The following ABTB3 variants were observed in gnomAD, a reference collection of about 807,000 sequenced individuals.
ABTB3 encodes ankyrin repeat- and BTB/POZ domain-containing protein 3.
the ABTB3 span, among the ~76,000 whole-genome samples, chr12:107,325,814 T>C: frequency 1.3e-5 from 2 of 152,224 alleles, no homozygotes; most frequent in African/African-American, 4.8e-5. Flanking sequence ...AAATGGGTAT[T>C]ATAATAAACA....
the ABTB3 span, among the ~76,000 whole-genome samples, chr12:107,494,892 G>A: frequency 6.6e-6 from 1 of 152,194 alleles, no homozygotes; most frequent in Non-Finnish European, 1.5e-5. Context: ...AGCACGGCAA[G>A]ATGGCATTGC....
the ABTB3 span, among the ~76,000 whole-genome samples, chr12:107,599,230 A>C: frequency 6.6e-6 from 1 of 152,182 alleles, no homozygotes; most frequent in Non-Finnish European, 1.5e-5. Context: ...TTCTCAGTGC[A>C]TGTTCATAAA....
At chr12:107,642,164 T>C in the ABTB3 span, 1 of 1,614,018 alleles carries the variant, frequency 6.2e-7, no homozygotes, top group South Asian at 1.1e-5. Context: ...AAATACTCCA[T>C]CTTTCAGGTG....
chr12:107,485,784 G>C, the ABTB3 span, among the ~76,000 whole-genome samples: 2 of 152,120 alleles, frequency 1.3e-5, no homozygotes, highest in African/African-American at 2.4e-5. Context: ...AATTATTTTA[G>C]TGAAAGAAAA....
chr12:107,481,912 T>TCTCTCTCC, the ABTB3 span, among the ~76,000 whole-genome samples: 1 of 151,128 alleles, frequency 6.6e-6, no homozygotes, highest in African/African-American at 2.4e-5. Context: ...TCTCTCTCTC[T>TCTCTCTCC]CTCTCTCTCT....
chr12:107,635,797 G>A, the ABTB3 span, among the ~76,000 whole-genome samples: 3 of 151,476 alleles, frequency 2.0e-5, no homozygotes, highest in East Asian at 5.9e-4. Context: ...AGGGGCCAGG[G>A]CTGTTCCTCT....
chr12:107,444,392 C>T, the ABTB3 span, among the ~76,000 whole-genome samples: 1 of 152,208 alleles, frequency 6.6e-6, no homozygotes, highest in Non-Finnish European at 1.5e-5. Context: ...GTTAGGGACA[C>T]TGGCCTGTTT....
the ABTB3 span, chr12:107,581,324 G>T: frequency 3.1e-6 from 4 of 1,309,938 alleles, no homozygotes; most frequent in South Asian, 3.9e-5. Context: ...GGGGCGGGCG[G>T]GGGGCGGCAG....
the ABTB3 span, among the ~76,000 whole-genome samples, chr12:107,584,502 G>A: frequency 6.6e-6 from 1 of 152,214 alleles, no homozygotes; most frequent in East Asian, 1.9e-4. Flanking sequence ...AAGTTGCTGG[G>A]TGGGCTTCTA....
chr12:107,604,053 T>C, the ABTB3 span, among the ~76,000 whole-genome samples: 49,393 of 151,602 alleles, frequency 0.33, 9,396 homozygotes, highest in African/African-American at 0.54. Context: ...CCTGTAGTCC[T>C]AGCTACTCGG....
chr12:107,482,809 T>TC, the ABTB3 span, among the ~76,000 whole-genome samples: 1 of 151,504 alleles, frequency 6.6e-6, no homozygotes, highest in Admixed American at 6.6e-5. Context: ...CTCTCTTTTT[T>TC]TTTCTTTCTT....
the ABTB3 span, among the ~76,000 whole-genome samples, chr12:107,362,710 T>C: frequency 8.3e-4 from 126 of 152,202 alleles, no homozygotes; most frequent in East Asian, 0.02. Flanking sequence ...GGAGGATTGC[T>C]TGAGCCGAGG....
At chr12:107,469,994 T>C in the ABTB3 span, among the ~76,000 whole-genome samples, 64 of 64,036 alleles carry the variant, frequency 1.0e-3, 1 homozygote, top group African/African-American at 5.0e-3. Flanking sequence ...CTTTCTTTCT[T>C]TCTTTCTTTC....
the ABTB3 span, among the ~76,000 whole-genome samples, chr12:107,588,834 T>A: frequency 3.3e-5 from 5 of 152,298 alleles, no homozygotes; most frequent in Admixed American, 6.5e-5. Context: ...TTCCATTTTT[T>A]AAATGTTGGT....
chr12:107,331,508 CTTCCGGGGGG>C, the ABTB3 span, among the ~76,000 whole-genome samples: 5 of 152,168 alleles, frequency 3.3e-5, no homozygotes, highest in Non-Finnish European at 7.4e-5. Flanking sequence ...CTTCCTTGGG[CTTCCGGGGGG>C]ACCGGGGACA....
chr12:107,328,565 C>T, the ABTB3 span, among the ~76,000 whole-genome samples: 2 of 152,198 alleles, frequency 1.3e-5, no homozygotes, highest in African/African-American at 4.8e-5. Flanking sequence ...GGGGGAACTA[C>T]CAGTTGCTGA....
chr12:107,601,314 C>T, the ABTB3 span, among the ~76,000 whole-genome samples: 1 of 152,208 alleles, frequency 6.6e-6, no homozygotes, highest in African/African-American at 2.4e-5. Flanking sequence ...GACACTCAGA[C>T]CTTCGCCTCA....
At chr12:107,487,126 C>T in the ABTB3 span, among the ~76,000 whole-genome samples, 418 of 152,288 alleles carry the variant, frequency 2.7e-3, 3 homozygotes, top group African/African-American at 9.3e-3. Context: ...CCTCTCCCCA[C>T]ACCCTAGTGC....
the ABTB3 span, among the ~76,000 whole-genome samples, chr12:107,366,359 G>C: frequency 6.6e-6 from 1 of 152,126 alleles, no homozygotes; most frequent in Non-Finnish European, 1.5e-5. Flanking sequence ...ATAGAAGACT[G>C]AACATGTTCC....
Sources: allele counts gnomAD v4.1 joint callset (sites outside exome capture counted in the v4.1 genomes callset), GRCh38; gene constraint gnomAD v4.1.1; transcripts MANE v1.5; gene names NCBI Gene and HGNC (gene_info 2026-07-23, HGNC 2026-07-21).